The following PTPRD variants were observed in gnomAD, a reference collection of about 807,000 sequenced individuals.
The protein encoded by PTPRD is protein tyrosine phosphatase receptor type D, also known as receptor-type tyrosine-protein phosphatase delta.
Under a neutral mutation model 214.5 loss-of-function variants are expected in PTPRD, and 34 were observed. That is an observed-to-expected ratio of 0.16 (90% CI 0.12 to 0.21). The LOEUF (loss-of-function observed/expected upper bound fraction) is 0.21, where lower values mean the gene tolerates loss of function less well. PTPRD is among the 10% of genes least tolerant of loss of function. The pLI is 1.00. For missense variants in PTPRD, 2,545 were observed against 2,398.7 expected, an observed-to-expected ratio of 1.06 and a Z score of -1.27; for synonymous variants, 1,128 against 845.7, an observed-to-expected ratio of 1.33 and a Z score of -5.79.
At chr9:10,151,728 T>G (rs1240912770) in intron 3 of PTPRD, among the ~76,000 whole-genome samples, 1 of 152,078 alleles carries the variant, frequency 6.6e-6, no homozygotes. Context: ...CCCACAAAAT[T>G]GTCTCTGCAG....
intron 9 of PTPRD, among the ~76,000 whole-genome samples, chr9:9,203,450 T>C (rs1475028641): frequency 6.6e-6 from 1 of 152,128 alleles, no homozygotes; most frequent in Non-Finnish European, 1.5e-5. Context: ...TTTCACATCA[T>C]CATCTATCAA....
In PTPRD at chr9:10,506,328, C is replaced by T. The variant is rs1051607069; in HGVS notation, c.-600+106070G>A. Among the ~76,000 whole-genome samples the T allele has an allele frequency of 1.2e-4, 18 of 152,064 alleles. 1 individual carries two copies. The highest frequency in any genetic ancestry group is 4.1e-4 in the African/African-American group (17 of 41,428). ...ATATACATCTTTTATAAAAATAGGA[C>T]ATTTGTCAAATTGAAAAGTAACCTT... On this transcript the variant is annotated intron_variant, in intron 2 of 45. Transcript: ENST00000381196.
chr9:10,119,692 G>T (rs1227944045), intron 3 of PTPRD, among the ~76,000 whole-genome samples: 1 of 151,948 alleles, frequency 6.6e-6, no homozygotes, highest in Non-Finnish European at 1.5e-5. Context: ...TTTAAAAGTA[G>T]ATGCAAAACT....
At chr9:8,377,154 T>TA (rs1166554879) in intron 37 of PTPRD, among the ~76,000 whole-genome samples, 1 of 152,116 alleles carries the variant, frequency 6.6e-6, no homozygotes, top group African/African-American at 2.4e-5. Flanking sequence ...AACTTCCAAA[T>TA]ATGCTTGTTT....
At chr9:10,212,062 A>AG (rs1488978527) in intron 3 of PTPRD, among the ~76,000 whole-genome samples, 4 of 152,136 alleles carry the variant, frequency 2.6e-5, no homozygotes, top group African/African-American at 9.7e-5. Flanking sequence ...GGAGAACAGT[A>AG]ACCAGTGGAA....
intron 3 of PTPRD, among the ~76,000 whole-genome samples, chr9:10,313,690 C>T (rs181272470): frequency 1.1e-4 from 17 of 152,030 alleles, no homozygotes; most frequent in African/African-American, 4.1e-4. Context: ...TTCCCAGGAC[C>T]AGCCACTTGG....
In PTPRD at chr9:9,232,961, T is replaced by C. The variant is rs191494046; in HGVS notation, c.-202-49598A>G. Among the ~76,000 whole-genome samples the C allele has an allele frequency of 3.1e-3, 474 of 152,228 alleles. 2 individuals are homozygous for C. Among genetic ancestry groups the C allele is most frequent in the Non-Finnish European group, 4.6e-3 (313 of 68,014 alleles). ...TACTCTAACCCTCCTTGTTCTTCTA[T>C]ATAGGAGATGGGTGTAAGGAAATTC... is the stretch of plus-strand genomic sequence containing the variant. On this transcript the variant is annotated intron_variant, in intron 9 of 45. Coordinates refer to ENST00000381196, the MANE Select transcript of PTPRD (RefSeq NM_002839.4).
chr9:9,048,567 T>G lies in PTPRD; in HGVS notation c.-142-29832A>C, dbSNP rs138889462. 3.3e-3 allele frequency among the ~76,000 whole-genome samples: 503 copies of G among 152,220 alleles called. 1 individual carries two copies. The highest frequency in any genetic ancestry group is 0.011 in the African/African-American group (471 of 41,552). The stretch of plus-strand genomic sequence containing the variant: ...TAAGCCAGACACAGAAAGACTAACA[T>G]CGTATGTTCTCACTTATTTGTGGGA... On this transcript the variant is annotated intron_variant, in intron 10 of 45. Transcript: ENST00000381196.
Position 9,678,650 on chromosome 9 carries a change from C to T in PTPRD, c.-287+55883G>A, listed in dbSNP as rs1487216130. ...TTGGTGACTATTCAGGGTTCTGTCTCGCCATGCTCCAAAAGTAAAAAGACC... is the reference window on the plus strand; with the variant it reads ...TTGGTGACTATTCAGGGTTCTGTCTTGCCATGCTCCAAAAGTAAAAAGACC... On this transcript the variant is annotated intron_variant, in intron 7 of 45. Coordinates refer to ENST00000381196, the MANE Select transcript of PTPRD (RefSeq NM_002839.4). 3.3e-5 allele frequency among the ~76,000 whole-genome samples: 5 copies of T among 151,778 alleles called. No individual in the cohort carries two copies. In the South Asian group the frequency reaches 6.2e-4, roughly 19 times the overall value.
intron 3 of PTPRD, among the ~76,000 whole-genome samples, chr9:10,118,115 G>C (rs1591607201): frequency 6.6e-6 from 1 of 151,918 alleles, no homozygotes; most frequent in African/African-American, 2.4e-5. Flanking sequence ...ATCTACCTGT[G>C]AGGTTTGCAA....
intron 4 of PTPRD, among the ~76,000 whole-genome samples, chr9:9,953,488 T>C (rs1366775402): frequency 1.4e-5 from 2 of 138,748 alleles, no homozygotes; most frequent in Non-Finnish European, 1.5e-5. Flanking sequence ...ATAGAGGGAA[T>C]TGTGGACACA....
chr9:10,360,552 A>T (rs1235431251), intron 2 of PTPRD, among the ~76,000 whole-genome samples: 1 of 152,218 alleles, frequency 6.6e-6, no homozygotes, highest in Non-Finnish European at 1.5e-5. Context: ...AGAGTGTGAG[A>T]AAGAAGTCAC....
chr9:10,003,676 G>A (rs191387131), intron 4 of PTPRD, among the ~76,000 whole-genome samples: 288 of 151,710 alleles, frequency 1.9e-3, no homozygotes, highest in Non-Finnish European at 1.3e-3. Flanking sequence ...CAATAAGGCT[G>A]ATAAAACATA....
At chr9:9,406,507 A>C (rs2073433558) in intron 8 of PTPRD, among the ~76,000 whole-genome samples, 1 of 151,954 alleles carries the variant, frequency 6.6e-6, no homozygotes, top group African/African-American at 2.4e-5. Context: ...AAATCAAGAC[A>C]TCTCACATTT....
At chr9:8,905,734 C>T (rs1406358212) in intron 11 of PTPRD, among the ~76,000 whole-genome samples, 9 of 132,476 alleles carry the variant, frequency 6.8e-5, no homozygotes, top group South Asian at 2.5e-4. Context: ...GTGAGACTCC[C>T]TCGCAAAAAA....
intron 2 of PTPRD, among the ~76,000 whole-genome samples, chr9:10,546,072 T>C (rs2060108514): frequency 6.6e-6 from 1 of 152,118 alleles, no homozygotes; most frequent in African/African-American, 2.4e-5. Flanking sequence ...ACAACTATCA[T>C]TAGCTTTATC....
At chr9:9,761,975 A>G (rs896607486) in intron 6 of PTPRD, among the ~76,000 whole-genome samples, 2 of 152,190 alleles carry the variant, frequency 1.3e-5, no homozygotes, top group Non-Finnish European at 2.9e-5. Context: ...AGACTGAATG[A>G]CTTAAACATA....
chr9:9,714,859 C>G (rs1469842177), intron 7 of PTPRD, among the ~76,000 whole-genome samples: 1 of 152,196 alleles, frequency 6.6e-6, no homozygotes, highest in African/African-American at 2.4e-5. Context: ...CTTCCTTTAT[C>G]CTGATATGAA....
chr9:9,442,122 C>G (rs1228917900), intron 8 of PTPRD: 1 of 152,318 alleles, frequency 6.6e-6, no homozygotes, highest in Non-Finnish European at 1.5e-5. Flanking sequence ...TGGAGGATCG[C>G]TTGAGTCCAG....
Sources: gnomAD v4.1 joint callset for allele counts (sites outside exome capture counted in the v4.1 genomes callset) on GRCh38, gnomAD v4.1.1 for gene constraint, MANE v1.5 for transcripts, NCBI Gene and HGNC (gene_info 2026-07-23, HGNC 2026-07-21) for gene names.